Variants in LRRFIP1 observed in about 807,000 individuals in gnomAD.
LRRFIP1 encodes the protein LRR binding FLII interacting protein 1.
In LRRFIP1, 62 loss-of-function variants were observed where a neutral mutation model predicts 104.4. The ratio of observed to expected loss-of-function variants is 0.59; its 90% confidence interval spans 0.48 to 0.73. LRRFIP1 has a LOEUF of 0.73. Ranked by LOEUF, LRRFIP1 falls within the 30% of genes least tolerant of loss-of-function variation. The pLI is 0.00. For synonymous variants in LRRFIP1, 300 were observed against 299.0 expected, an observed-to-expected ratio of 1.00 and a Z score of -0.03; for missense variants, 796 against 824.5, an observed-to-expected ratio of 0.97 and a Z score of 0.42.
chr2:237,733,765 A>T lies in LRRFIP1; in HGVS notation c.445-9A>T, dbSNP rs529758523. ...CTTTTAAAACCTGCCATTTGCTTTC[A>T]TCCTCCAGCCCTCCTGTCTGTACAG... On this transcript the variant is annotated splice_polypyrimidine_tract_variant and intron_variant, in intron 8 of 23. Coordinates refer to ENST00000308482, the MANE Select transcript of LRRFIP1 (RefSeq NM_001137550.2). 2 of 1,613,918 alleles carry T rather than the reference A, an allele frequency of 1.2e-6. No homozygotes were observed. Among genetic ancestry groups the T allele is most frequent in the Admixed American group, 3.3e-5 (2 of 60,024 alleles).
intron 22 of LRRFIP1, chr2:237,774,098 G>A (rs1262949219): frequency 2.3e-6 from 1 of 437,666 alleles, no homozygotes; most frequent in Admixed American, 3.6e-5. Flanking sequence ...GCAGCAAGGT[G>A]CCAGCACTGC....
At chr2:237,715,440 G>A (rs190336782) in intron 3 of LRRFIP1, among the ~76,000 whole-genome samples, 1 of 152,318 alleles carries the variant, frequency 6.6e-6, no homozygotes, top group African/African-American at 2.4e-5. Context: ...CTATCTGGTC[G>A]TTTCCACTTG....
In LRRFIP1 at chr2:237,711,732, A is replaced by G. The variant is rs1002007584; in HGVS notation, c.184-2527A>G. On this transcript the variant is annotated intron_variant, in intron 2 of 23. Coordinates refer to ENST00000308482, the MANE Select transcript of LRRFIP1 (RefSeq NM_001137550.2). The surrounding 1 kb of genome is among the most constrained non-coding windows in gnomAD (Gnocchi z 4.4). ...AGGTGGGGGACATGTCAGGAGGGGCAGAGAAATGAACGTGGCCAAGATGGT... is the reference window on the plus strand; with the variant it reads ...AGGTGGGGGACATGTCAGGAGGGGCGGAGAAATGAACGTGGCCAAGATGGT... Among the ~76,000 whole-genome samples the G allele has an allele frequency of 8.5e-5, 13 of 152,180 alleles. No individual in the cohort carries two copies. The highest frequency in any genetic ancestry group is 3.1e-4 in the African/African-American group (13 of 41,452).
At chr2:237,694,258 C>T (rs2093014353) in intron 1 of LRRFIP1, among the ~76,000 whole-genome samples, 1 of 152,188 alleles carries the variant, frequency 6.6e-6, no homozygotes, top group African/African-American at 2.4e-5. Context: ...TACTACGTTT[C>T]TAATGTCCAA....
In LRRFIP1 at chr2:237,771,080, G is replaced by A. The variant is rs114611903; in HGVS notation, c.1510-1001G>A. Among the ~76,000 whole-genome samples the A allele has an allele frequency of 6.8e-3, 1,029 of 152,166 alleles. 15 individuals carry two copies. The highest frequency in any genetic ancestry group is 0.024 in the African/African-American group (994 of 41,506). On this transcript the variant is annotated intron_variant, in intron 20 of 23. Transcript: ENST00000308482. Reference sequence around the variant, plus strand: ...ACTTTTGGTTTGTTGTTAATCAGGGGTCTCCTGTGCTTGGTGTGTGGGGTA... The same window carrying A: ...ACTTTTGGTTTGTTGTTAATCAGGGATCTCCTGTGCTTGGTGTGTGGGGTA...
chr2:237,751,076 A>T, intron 13 of LRRFIP1, 124 bp from the exon 14 acceptor site: 3 of 625,342 alleles, frequency 4.8e-6, no homozygotes. Context: ...TTAACGCTTA[A>T]TAAAATAAAA....
intron 14 of LRRFIP1, among the ~76,000 whole-genome samples, chr2:237,751,622 TGTA>T (rs2058642281): frequency 1.3e-5 from 2 of 152,280 alleles, no homozygotes; most frequent in South Asian, 4.1e-4. Context: ...CTTCACTTTT[TGTA>T]GTAGTTGTAT....
chr2:237,700,574 C>T (rs2093461611), intron 1 of LRRFIP1, among the ~76,000 whole-genome samples: 1 of 152,244 alleles, frequency 6.6e-6, no homozygotes, highest in South Asian at 2.1e-4. Context: ...GAACTTCCTC[C>T]TGTTTGCAGA....
rs2061418710 is a variant in LRRFIP1, at chr2:237,780,946, A to G, written c.*1414A>G. 6.6e-6 allele frequency among the ~76,000 whole-genome samples: 1 copy of G among 152,226 alleles called. No individual in the cohort carries two copies. The highest frequency in any genetic ancestry group is 1.5e-5 in the Non-Finnish European group (1 of 68,050). On this transcript the variant is annotated 3_prime_UTR_variant, in exon 24 of 24. Transcript: ENST00000308482. The stretch of plus-strand genomic sequence containing the variant: ...AGGGGGCTGGGGGCCAACACTGGCA[A>G]GTAGGAAACCACGGGTCGGACAGGT...
intron 1 of LRRFIP1, among the ~76,000 whole-genome samples, chr2:237,669,885 G>T (rs1411578911): frequency 6.6e-6 from 1 of 152,152 alleles, no homozygotes; most frequent in African/African-American, 2.4e-5. Flanking sequence ...ATGTGTGCAC[G>T]TGGCATAGAG....
chr2:237,657,875 C>T (rs1337610513), intron 1 of LRRFIP1, among the ~76,000 whole-genome samples: 2 of 152,168 alleles, frequency 1.3e-5, no homozygotes, highest in Admixed American at 1.3e-4. Flanking sequence ...CAAGCCACAG[C>T]CCATATGAAT....
chr2:237,673,923 C>T (rs1442838664), intron 1 of LRRFIP1, among the ~76,000 whole-genome samples: 2 of 6,376 alleles, frequency 3.1e-4, no homozygotes, highest in African/African-American at 2.4e-3. Flanking sequence ...GTGCAGAGCG[C>T]GTCTACAAAC....
chr2:237,726,825 T>C (rs2094771660), intron 7 of LRRFIP1, among the ~76,000 whole-genome samples: 1 of 152,144 alleles, frequency 6.6e-6, no homozygotes, highest in African/African-American at 2.4e-5. Flanking sequence ...TTAAGGGACA[T>C]TTAGAAAGCC....
intron 15 of LRRFIP1, among the ~76,000 whole-genome samples, chr2:237,755,889 G>A (rs781165285): frequency 6.9e-4 from 105 of 152,116 alleles, no homozygotes; most frequent in Admixed American, 1.0e-3. Flanking sequence ...AGCTGAGATC[G>A]CACCACTGTA....
In LRRFIP1 at chr2:237,724,619, C is replaced by G. The variant is rs139984022; in HGVS notation, c.384+1033C>G. Among the ~76,000 whole-genome samples, 953 of 152,304 alleles carry G rather than the reference C, an allele frequency of 6.3e-3. 19 individuals carry two copies. The highest frequency in any genetic ancestry group is 0.022 in the African/African-American group (900 of 41,560). ...TACAGAGCACTGCAAGTCGCTCTGG[C>G]AGGTGAGGGCATTTCTGTGACACTG... On this transcript the variant is annotated intron_variant, in intron 7 of 23. Coordinates refer to ENST00000308482, the MANE Select transcript of LRRFIP1 (RefSeq NM_001137550.2).
intron 11 of LRRFIP1, among the ~76,000 whole-genome samples, chr2:237,745,743 C>T (rs2057757370): frequency 6.6e-6 from 1 of 152,170 alleles, no homozygotes; most frequent in Non-Finnish European, 1.5e-5. Context: ...CCTGGAGCTT[C>T]ATTTATTTCT....
At chr2:237,718,090 C>T (rs1464883133) in intron 4 of LRRFIP1, among the ~76,000 whole-genome samples, 1 of 152,236 alleles carries the variant, frequency 6.6e-6, no homozygotes, top group Non-Finnish European at 1.5e-5. Flanking sequence ...GAGGTCTCCA[C>T]TACCACAGCC....
chr2:237,694,307 G>C (rs2093017935), intron 1 of LRRFIP1, among the ~76,000 whole-genome samples: 1 of 152,230 alleles, frequency 6.6e-6, no homozygotes, highest in Non-Finnish European at 1.5e-5. Flanking sequence ...AGGGTTTTCA[G>C]AGAGAAGTTG....
intron 1 of LRRFIP1, among the ~76,000 whole-genome samples, chr2:237,632,429 G>GC (rs1229070713): frequency 2.6e-5 from 4 of 152,164 alleles, no homozygotes; most frequent in Non-Finnish European, 4.4e-5. Context: ...TGACTGGCCT[G>GC]CCCCCCTCAT....
Sources: gnomAD v4.1 joint callset for allele counts (sites outside exome capture counted in the v4.1 genomes callset) on GRCh38, gnomAD v4.1.1 for gene constraint, Gnocchi (gnomAD v3.1) non-coding constraint, MANE v1.5 for transcripts, NCBI Gene and HGNC (gene_info 2026-07-23, HGNC 2026-07-21) for gene names.